COPG1: variants seen among roughly 807,000 people sequenced by gnomAD.
The protein encoded by COPG1 is coatomer subunit gamma-1.
A neutral mutation model predicts 102.8 loss-of-function variants in COPG1; 29 were observed. That is an observed-to-expected ratio of 0.28 (90% CI 0.21 to 0.38). COPG1 has a LOEUF of 0.38. COPG1 is among the 10% of genes least tolerant of loss of function. The pLI, the probability that COPG1 is intolerant of heterozygous loss-of-function variation, is 1.00. For synonymous variants in COPG1, 406 were observed against 421.6 expected (o/e 0.96, Z 0.45); for missense variants, 875 against 1,132.7 (o/e 0.77, Z 3.27).
At chr3:129,269,765 A>G (rs985730285) in intron 18 of COPG1, among the ~76,000 whole-genome samples, 6 of 151,952 alleles carry the variant, frequency 3.9e-5, no homozygotes, top group Non-Finnish European at 7.4e-5. Context: ...ATAACATGAA[A>G]CTTTCCATTT....
intron 13 of COPG1, among the ~76,000 whole-genome samples, chr3:129,264,841 A>G (rs1242148124): frequency 6.7e-6 from 1 of 149,710 alleles, no homozygotes; most frequent in Non-Finnish European, 1.5e-5. Flanking sequence ...TTTTCTGTTG[A>G]GTAGGAGTCT....
rs1940249328 is a variant in COPG1, at chr3:129,275,468, A to G, written c.2494+176A>G. Among the ~76,000 whole-genome samples, 1 of 152,254 alleles carries G rather than the reference A, an allele frequency of 6.6e-6. No individual in the cohort carries two copies. The highest frequency in any genetic ancestry group is 2.1e-4 in the South Asian group (1 of 4,836). ...TTCCTCCCTACCTTGGCTGCCAGCC[A>G]TTCAGATTCCCTTCCGAGAAGCGAC... On this transcript the variant is annotated intron_variant, in intron 23 of 23. Coordinates refer to ENST00000314797, the MANE Select transcript of COPG1 (RefSeq NM_016128.4). The surrounding 1 kb of genome is among the most constrained non-coding windows in gnomAD (Gnocchi z 5.0).
Position 129,249,623 on chromosome 3 carries a change from G to T in COPG1, c.-87G>T. ...ACGTGGCCAGTCGGGGCCCGGAAGT[G>T]GTCCCTGTAGAACCACTGTGGCACC... is the stretch of plus-strand genomic sequence containing the variant. On this transcript the variant is annotated 5_prime_UTR_variant, in exon 1 of 24. Transcript: ENST00000314797. 1 of 1,464,118 alleles carries T rather than the reference G, an allele frequency of 6.8e-7. No individual in the cohort carries two copies. The highest frequency in any genetic ancestry group is 1.2e-5 in the South Asian group (1 of 81,324). The allele number at this position is 1,464,118 out of a possible 1,614,324, so 90.7% of individuals were successfully genotyped here.
chr3:129,267,545 T>C (rs575444821), intron 15 of COPG1, among the ~76,000 whole-genome samples: 2 of 152,164 alleles, frequency 1.3e-5, no homozygotes, highest in East Asian at 1.9e-4. Flanking sequence ...GGTGTGAACC[T>C]GGGAGATGGA....
intron 23 of COPG1, among the ~76,000 whole-genome samples, chr3:129,276,164 C>A (rs1940267492): frequency 6.6e-6 from 1 of 152,248 alleles, no homozygotes; most frequent in Non-Finnish European, 1.5e-5. Context: ...TATGTTACCA[C>A]ACTTTATGAT....
At chr3:129,258,154 C>T (rs752578635) in intron 10 of COPG1, among the ~76,000 whole-genome samples, 1 of 152,210 alleles carries the variant, frequency 6.6e-6, no homozygotes, top group Non-Finnish European at 1.5e-5. Context: ...AACCCAGGAT[C>T]TGTGAAACTG....
rs755044271 is a variant in COPG1, at chr3:129,257,772, C to T, written c.783C>T (p.Asn261=). Reference sequence around the variant, plus strand: ...ACTTCATCGAGAGCTGCTTGCGCAACAAGCACGAGATGGTGGTGTATGAAG... The same window carrying T: ...ACTTCATCGAGAGCTGCTTGCGCAATAAGCACGAGATGGTGGTGTATGAAG... ...LFDFIESCLR[N]KHEMVVYEAA... is the part of the protein sequence containing the mutation. Residue 261 remains asparagine, a synonymous_variant, in exon 10 of 24, where the codon AAC becomes AAT. Transcript: ENST00000314797. 1 of 1,614,202 alleles carries T rather than the reference C, an allele frequency of 6.2e-7. No homozygotes were observed. Among genetic ancestry groups the T allele is most frequent in the South Asian group, 1.1e-5 (1 of 91,082 alleles).
chr3:129,268,176 C>G, intron 16 of COPG1, 136 bp downstream of exon 16: 1 of 735,658 alleles, frequency 1.4e-6, no homozygotes, highest in African/African-American at 1.7e-5. Flanking sequence ...TCATGGTGAC[C>G]TCAGGAGGTC....
chr3:129,272,204 C>G, intron 19 of COPG1, 40 bp from the exon 20 acceptor site: 1 of 1,578,796 alleles, frequency 6.3e-7, no homozygotes, highest in Non-Finnish European at 8.7e-7. Flanking sequence ...ATGGCTCGGA[C>G]CTAGTGCAAT....
chr3:129,277,259 G>A, intron 23 of COPG1, 35 bp from the exon 24 acceptor site: 1 of 1,611,478 alleles, frequency 6.2e-7, no homozygotes, highest in Non-Finnish European at 8.5e-7. Context: ...AGTCCCTTCT[G>A]CTGTATATAT....
chr3:129,268,713 G>T (rs1940120317), intron 17 of COPG1, 93 bp downstream of exon 17: 1 of 1,460,716 alleles, frequency 6.8e-7, no homozygotes, highest in African/African-American at 1.4e-5. Context: ...ACTAGGGTGG[G>T]TGGCAGTTAT....
At chr3:129,265,435 C>T in intron 13 of COPG1, 114 bp from the exon 14 acceptor site, 1 of 1,326,594 alleles carries the variant, frequency 7.5e-7, no homozygotes, top group Non-Finnish European at 1.0e-6. Flanking sequence ...CCCAGAGAAC[C>T]AAGTGCCCTG....
chr3:129,252,155 C>G, intron 2 of COPG1, 126 bp from the exon 3 acceptor site: 1 of 658,866 alleles, frequency 1.5e-6, no homozygotes, highest in Non-Finnish European at 2.8e-6. Flanking sequence ...TGAAAATAAG[C>G]TTGTTGCATA....
At chr3:129,267,808 A>AC (rs1418231813) in intron 15 of COPG1, 129 bp from the exon 16 acceptor site, 1 of 671,246 alleles carries the variant, frequency 1.5e-6, no homozygotes, top group African/African-American at 1.8e-5. Context: ...CACTCCCTCC[A>AC]CCCTCCGCCT....
At chr3:129,272,201 G>A (rs371795694) in intron 19 of COPG1, 43 bp from the exon 20 acceptor site, 21 of 1,569,538 alleles carry the variant, frequency 1.3e-5, no homozygotes, top group Non-Finnish European at 1.5e-5. Context: ...AGCATGGCTC[G>A]GACCTAGTGC....
intron 18 of COPG1, among the ~76,000 whole-genome samples, chr3:129,269,493 G>A (rs1940147416): frequency 6.6e-6 from 1 of 152,142 alleles, no homozygotes; most frequent in Non-Finnish European, 1.5e-5. Context: ...GTAGATAAAA[G>A]CATAGACCCC....
chr3:129,262,280 T>C (rs1162957298), intron 12 of COPG1, among the ~76,000 whole-genome samples: 1 of 146,638 alleles, frequency 6.8e-6, no homozygotes, highest in Non-Finnish European at 1.5e-5. Context: ...TGAGTTGGAG[T>C]CTCGCTCTGT....
intron 5 of COPG1, chr3:129,254,333 T>A: frequency 4.7e-6 from 1 of 214,942 alleles, no homozygotes; most frequent in East Asian, 1.2e-4. Flanking sequence ...AGGTGAGGGG[T>A]GAGGAATGCT....
rs530567138 is a variant in COPG1, at chr3:129,272,480, G to A, written c.2158+65G>A. On this transcript the variant is annotated intron_variant, in intron 20 of 23. Coordinates refer to ENST00000314797, the MANE Select transcript of COPG1 (RefSeq NM_016128.4). ...CTCATGGGGTCAGGAGGAGGTGGGC[G>A]GCTGGGCACCAGCTGTTTGCCTTCT... 1.7e-4 allele frequency: 239 copies of A among 1,383,758 alleles called. 3 individuals are homozygous for A. In the African/African-American group the frequency reaches 3.0e-3, roughly 17 times the overall value. 85.7% of individuals were successfully genotyped at this position (1,383,758 alleles called of 1,614,324 possible).
Sources: allele counts gnomAD v4.1 joint callset (sites outside exome capture counted in the v4.1 genomes callset), GRCh38; gene constraint gnomAD v4.1.1; non-coding constraint Gnocchi (gnomAD v3.1); transcripts MANE v1.5; gene names NCBI Gene and HGNC (gene_info 2026-07-23, HGNC 2026-07-21).